Variants in ZNF169 observed in about 807,000 individuals in gnomAD.
ZNF169 encodes zinc finger protein 169.
Under a neutral mutation model 12.0 loss-of-function variants are expected in ZNF169, and 11 were observed. The observed-to-expected ratio is 0.92, with a 90% CI of 0.58 to 1.52. The LOEUF (loss-of-function observed/expected upper bound fraction) is 1.52. Among genes scored for constraint, ZNF169 ranks in the 40% most tolerant of loss-of-function variants. ZNF169 has a pLI of 0.00. For synonymous variants in ZNF169, 302 were observed against 286.5 expected (o/e 1.05, Z -0.55); for missense variants, 722 against 744.0 (o/e 0.97, Z 0.34).
chr9:94,274,263 A>G (rs1830481708), intron 1 of ZNF169, among the ~76,000 whole-genome samples: 1 of 152,218 alleles, frequency 6.6e-6, no homozygotes, highest in Non-Finnish European at 1.5e-5. Flanking sequence ...ACTAGGGGTT[A>G]GGATGTCAAC....
Position 94,299,934 on chromosome 9 carries a change from G to C in ZNF169, c.376G>C (p.Gly126Arg). ...ACAGATCTTCCCAAGCTCATCTGCA[G>C]GAGGTGACTTCCAACTAGAAGCTCC... The part of the protein sequence containing the change: ...PTQIFPSSSA[G>R]GDFQLEAPRC... The change falls in exon 5 of 5, where the codon GGA (glycine) becomes CGA (arginine). Residue 126 changes from glycine (G) to arginine (R), a missense_variant. Transcript: ENST00000395395. 6.2e-7 allele frequency: 1 copy of C among 1,614,130 alleles called. No homozygotes were observed. The highest frequency in any genetic ancestry group is 8.5e-7 in the Non-Finnish European group (1 of 1,180,036).
chr9:94,284,020 C>T (rs1213093964), intron 2 of ZNF169, among the ~76,000 whole-genome samples: 3 of 131,434 alleles, frequency 2.3e-5, no homozygotes, highest in African/African-American at 2.9e-5. Flanking sequence ...TGCAGTGAGC[C>T]GAGATTGCAC....
chr9:94,261,209 T>C (rs1216011736), intron 1 of ZNF169, among the ~76,000 whole-genome samples: 1 of 151,986 alleles, frequency 6.6e-6, no homozygotes, highest in Admixed American at 6.6e-5. Context: ...ACCTGGCTAA[T>C]TTTTGTGTTT....
intron 2 of ZNF169, among the ~76,000 whole-genome samples, chr9:94,281,564 T>C (rs1830631788): frequency 6.6e-6 from 1 of 152,220 alleles, no homozygotes. Context: ...TAGAGTTTTA[T>C]TCTGAGCCAA....
rs745969380 is a variant in ZNF169 at position 94,299,950 on chromosome 9, T to A, written c.392T>A (p.Leu131Gln). ...PSSSAGGDFQ[L>Q]EAPRCSSEKG... ...TCATCTGCAGGAGGTGACTTCCAACTAGAAGCTCCAAGATGCTCTAGTGAA... is the reference window on the plus strand; with the variant it reads ...TCATCTGCAGGAGGTGACTTCCAACAAGAAGCTCCAAGATGCTCTAGTGAA... The change falls in exon 5 of 5, where the codon CTA becomes CAA. Residue 131 changes from leucine (L) to glutamine (Q), a missense_variant. By Grantham distance (113) the Leu-to-Gln change is moderately radical (BLOSUM62 -2). Transcript: ENST00000395395. 1 of 1,614,046 alleles carries A rather than the reference T, an allele frequency of 6.2e-7. No homozygotes were observed.
rs138361295 is a variant in ZNF169, at chr9:94,292,607, T to TTGTG, written c.160+171_160+174dup. 758 of 678,822 alleles carry TTGTG rather than the reference T, an allele frequency of 1.1e-3. 1 individual carries two copies. Among genetic ancestry groups the TTGTG allele is most frequent in the African/African-American group, 5.4e-3 (288 of 53,576 alleles). 42.0% of individuals were successfully genotyped at this position (678,822 alleles called of 1,614,324 possible). ...AGAATGCCTGGCTTTCACAGTGCAG[T>TTGTG]TGTGTGTGTGTGTGTGTGTGTGTGT... On this transcript the variant is annotated intron_variant, in intron 3 of 4. Coordinates refer to ENST00000395395, the MANE Select transcript of ZNF169 (RefSeq NM_194320.4).
chr9:94,285,626 A>C (rs774780392), intron 2 of ZNF169, among the ~76,000 whole-genome samples: 2 of 152,302 alleles, frequency 1.3e-5, no homozygotes, highest in Middle Eastern at 3.4e-3. Flanking sequence ...TGAAGACTAA[A>C]GATGAAAAAA....
intron 1 of ZNF169, among the ~76,000 whole-genome samples, chr9:94,268,740 C>G (rs1048017620): frequency 6.9e-6 from 1 of 144,960 alleles, no homozygotes; most frequent in East Asian, 2.1e-4. Context: ...GAGCCGAGAT[C>G]ACACCACCGC....
chr9:94,299,097 G>T (rs1831004982), intron 4 of ZNF169, among the ~76,000 whole-genome samples: 1 of 152,186 alleles, frequency 6.6e-6, no homozygotes, highest in South Asian at 2.1e-4. Flanking sequence ...TGTACGTAGT[G>T]TTGTGCAATG....
At position 94,301,176 on chromosome 9, in the gene ZNF169, A is replaced by G. The variant is rs749089395; in HGVS notation, c.1618A>G (p.Lys540Glu). 1 of 1,614,224 alleles carries G rather than the reference A, an allele frequency of 6.2e-7. No individual in the cohort carries two copies. Among genetic ancestry groups the G allele is most frequent in the East Asian group, 2.2e-5 (1 of 44,878 alleles). ...TGACCAAAGGACACACTCAGGAGAGAAGCCCTGCATTTGCGATGAATGTGG... is the reference window on the plus strand; with the variant it reads ...TGACCAAAGGACACACTCAGGAGAGGAGCCCTGCATTTGCGATGAATGTGG... The part of the protein sequence containing the change: ...ISDQRTHSGE[K>E]PCICDECGRG... Residue 540 changes from lysine (K) to glutamate (E), a missense_variant, in exon 5 of 5, where the codon AAG becomes GAG. By Grantham distance (56) the Lys-to-Glu change is moderately conservative. Transcript: ENST00000395395.
intron 1 of ZNF169, among the ~76,000 whole-genome samples, chr9:94,270,894 T>TA (rs1408723568): frequency 5.7e-5 from 1 of 17,680 alleles, no homozygotes; most frequent in East Asian, 1.4e-3. Flanking sequence ...TAAATATATA[T>TA]AATAATATAT....
At chr9:94,288,411 G>T in intron 2 of ZNF169, 1 of 1,262,278 alleles carries the variant, frequency 7.9e-7, no homozygotes, top group Non-Finnish European at 1.1e-6. Context: ...TCTCAGTGTT[G>T]GCTGAGCCTG....
rs1262184587 is a variant in ZNF169, at chr9:94,270,737, T to TATA, written c.-55-8021_-55-8020insATA. Reference sequence around the variant, plus strand: ...ATATATAATATTATATATTATATAATTAATGTATTTATATAATATATAAAT... The same window carrying TATA: ...ATATATAATATTATATATTATATAATATATAATGTATTTATATAATATATAAAT... On this transcript the variant is annotated intron_variant, in intron 1 of 4. Coordinates refer to ENST00000395395, the MANE Select transcript of ZNF169 (RefSeq NM_194320.4). Among the ~76,000 whole-genome samples, 9 of 32,028 alleles carry TATA rather than the reference T, an allele frequency of 2.8e-4. 2 individuals carry two copies. In the East Asian group the frequency reaches 5.0e-3, roughly 18 times the overall value. 21.0% of individuals were successfully genotyped at this position (32,028 alleles called of 152,430 possible). A position where few individuals can be genotyped will look rare whatever the true frequency, so the allele number is the denominator to read the frequency against.
chr9:94,288,202 C>A, intron 2 of ZNF169: 1 of 808,234 alleles, frequency 1.2e-6, no homozygotes, highest in Admixed American at 1.7e-5. Context: ...TACTTGTACC[C>A]TGTCTTGATT....
At chr9:94,284,820 A>G (rs1189036362) in intron 2 of ZNF169, among the ~76,000 whole-genome samples, 1 of 152,184 alleles carries the variant, frequency 6.6e-6, no homozygotes, top group Non-Finnish European at 1.5e-5. Context: ...ACTACCCAAA[A>G]TGATCTATAG....
chr9:94,301,126 T>C lies in ZNF169; in HGVS notation c.1568T>C (p.Leu523Pro), dbSNP rs761233684. 1.9e-6 allele frequency: 3 copies of C among 1,614,178 alleles called. 1 individual carries two copies. The South Asian group carries it at 3.3e-5, about 18-fold the overall frequency. Residue 523 changes from leucine to proline, a missense_variant, in exon 5 of 5, where the codon CTT (leucine) becomes CCT (proline). Leu to Pro is a moderately conservative substitution (Grantham distance 98). Coordinates refer to ENST00000395395, the MANE Select transcript of ZNF169 (RefSeq NM_194320.4). Reference protein sequence around the residue: ...LYVDRVCGQGLGQKSHLISDQ... With the variant: ...LYVDRVCGQGPGQKSHLISDQ... ...GTAGACAGGGTGTGTGGACAAGGAC[T>C]TGGCCAGAAGTCACACCTTATCTCT...
chr9:94,264,162 C>T (rs571776428), intron 1 of ZNF169, among the ~76,000 whole-genome samples: 11 of 152,094 alleles, frequency 7.2e-5, no homozygotes, highest in African/African-American at 2.4e-4. Context: ...TTTGAGGTGG[C>T]GTCTTGCTCT....
At position 94,301,304 on chromosome 9, in the gene ZNF169, G is replaced by A. The variant is rs774502509; in HGVS notation, c.1746G>A (p.Lys582=). ...CRECGRGFSQ[K]SHLHRHRRTK... is the part of the protein sequence containing the mutation. Reference sequence around the variant, plus strand: ...AGTGTGGGCGTGGCTTTAGCCAGAAGTCTCACTTGCATAGACACAGGAGGA... The same window carrying A: ...AGTGTGGGCGTGGCTTTAGCCAGAAATCTCACTTGCATAGACACAGGAGGA... The change falls in exon 5 of 5, where the codon AAG becomes AAA. Residue 582 remains lysine (K), a synonymous_variant. Transcript: ENST00000395395. 19 of 1,614,248 alleles carry A rather than the reference G, an allele frequency of 1.2e-5. No homozygotes were observed. Among genetic ancestry groups the A allele is most frequent in the Middle Eastern group, 3.3e-4 (2 of 6,062 alleles).
chr9:94,297,555 C>T (rs1281920264), intron 4 of ZNF169, among the ~76,000 whole-genome samples: 1 of 152,142 alleles, frequency 6.6e-6, no homozygotes, highest in Non-Finnish European at 1.5e-5. Flanking sequence ...GAATGGCAAT[C>T]CCTAAAGCTG....
Sources: allele counts gnomAD v4.1 joint callset (sites outside exome capture counted in the v4.1 genomes callset), GRCh38; gene constraint gnomAD v4.1.1; transcripts MANE v1.5; gene names NCBI Gene and HGNC (gene_info 2026-07-23, HGNC 2026-07-21).